The following CFAP61 variants were observed in gnomAD, a reference collection of about 807,000 sequenced individuals.
CFAP61 encodes the protein cilia- and flagella-associated protein 61.
CFAP61 carries 107 observed loss-of-function variants against 135.6 expected under a neutral mutation model. That is an observed-to-expected ratio of 0.79 (90% CI 0.67 to 0.93). The LOEUF (loss-of-function observed/expected upper bound fraction) is 0.93. Among genes scored for constraint, CFAP61 ranks in the 40% least tolerant of loss-of-function variants. The pLI is 0.00. For synonymous variants in CFAP61, 575 were observed against 578.5 expected, an observed-to-expected ratio of 0.99 and a Z score of 0.09; for missense variants, 1,507 against 1,556.2, an observed-to-expected ratio of 0.97 and a Z score of 0.53.
At chr20:20,337,681 A>C (rs1427909909) in intron 25 of CFAP61, among the ~76,000 whole-genome samples, 1 of 18,972 alleles carries the variant, frequency 5.3e-5, no homozygotes, top group Admixed American at 1.5e-3. Flanking sequence ...GATGGATAGA[A>C]TAAAAAAGAA....
chr20:20,264,667 G>A (rs1175309577), intron 21 of CFAP61, among the ~76,000 whole-genome samples: 2 of 152,164 alleles, frequency 1.3e-5, no homozygotes, highest in Non-Finnish European at 2.9e-5. Flanking sequence ...CAAGGTGAGA[G>A]GATCACTTGA....
At chr20:20,320,074 A>T (rs1405587798) in intron 25 of CFAP61, among the ~76,000 whole-genome samples, 2 of 151,694 alleles carry the variant, frequency 1.3e-5, no homozygotes, top group African/African-American at 4.9e-5. Context: ...GTGGGAAACT[A>T]TGTGACAAAC....
intron 26 of CFAP61, among the ~76,000 whole-genome samples, chr20:20,342,145 T>G (rs2058466457): frequency 6.6e-6 from 1 of 152,224 alleles, no homozygotes; most frequent in African/African-American, 2.4e-5. Flanking sequence ...TTCTTTTTCC[T>G]TTTTTTAAAG....
intron 19 of CFAP61, 104 bp from the exon 20 acceptor site, chr20:20,251,491 C>A: frequency 9.7e-7 from 1 of 1,030,434 alleles, no homozygotes; most frequent in Non-Finnish European, 1.5e-6. Flanking sequence ...ACAGCAAGAG[C>A]ACGGACTCAG....
intron 13 of CFAP61, among the ~76,000 whole-genome samples, chr20:20,172,558 AGTTCAC>A (rs2146829456): frequency 6.6e-6 from 1 of 152,268 alleles, no homozygotes; most frequent in African/African-American, 2.4e-5. Context: ...GGGCTCAAGC[AGTTCAC>A]CCACCTTGGC....
At chr20:20,078,376 G>GT (rs2146585727) in intron 6 of CFAP61, among the ~76,000 whole-genome samples, 1 of 152,310 alleles carries the variant, frequency 6.6e-6, no homozygotes, top group East Asian at 1.9e-4. Context: ...AGAGAGACAT[G>GT]TTAGAGAGTA....
chr20:20,130,881 T>C (rs190479031), intron 8 of CFAP61, among the ~76,000 whole-genome samples: 1 of 151,978 alleles, frequency 6.6e-6, no homozygotes, highest in East Asian at 1.9e-4. Flanking sequence ...CTCCCCACTT[T>C]GTTTCTGGCT....
chr20:20,175,533 TG>T (rs2054562295), intron 13 of CFAP61, among the ~76,000 whole-genome samples: 1 of 117,856 alleles, frequency 8.5e-6, no homozygotes, highest in African/African-American at 3.0e-5. Context: ...TGTTTTGTTT[TG>T]TTTTGTTTTG....
At chr20:20,266,578 G>GA (rs1297271533) in intron 21 of CFAP61, among the ~76,000 whole-genome samples, 1 of 152,154 alleles carries the variant, frequency 6.6e-6, no homozygotes, top group Non-Finnish European at 1.5e-5. Context: ...GGCCTACCTG[G>GA]AAATAGATGG....
chr20:20,151,602 G>A lies in CFAP61; in HGVS notation c.952-7768G>A, dbSNP rs1034645838. ...AGCACTTTGGGAGGCCGAGGTGAGC[G>A]GATCACGAGGTCAGGAGATTGAGAC... On this transcript the variant is annotated intron_variant, in intron 9 of 26. Coordinates refer to ENST00000245957, the MANE Select transcript of CFAP61 (RefSeq NM_015585.4). 9.9e-5 allele frequency among the ~76,000 whole-genome samples: 15 copies of A among 151,986 alleles called. 1 individual carries two copies. The highest frequency in any genetic ancestry group is 6.2e-4 in the South Asian group (3 of 4,812).
Position 20,083,580 on chromosome 20 carries a change from A to G in CFAP61, c.567-7264A>G, listed in dbSNP as rs571674802. Reference sequence around the variant, plus strand: ...TTACAAACTTTTAACTCTTAAGGCAATCATTTTAATGAAACATTTGATAGT... The same window carrying G: ...TTACAAACTTTTAACTCTTAAGGCAGTCATTTTAATGAAACATTTGATAGT... On this transcript the variant is annotated intron_variant, in intron 6 of 26. Coordinates refer to ENST00000245957, the MANE Select transcript of CFAP61 (RefSeq NM_015585.4). Among the ~76,000 whole-genome samples, 19 of 152,362 alleles carry G rather than the reference A, an allele frequency of 1.2e-4. 1 individual carries two copies. In the South Asian group the frequency reaches 3.3e-3, roughly 27 times the overall value.
At chr20:20,192,964 G>GT (rs1329736394) in intron 15 of CFAP61, among the ~76,000 whole-genome samples, 1 of 152,054 alleles carries the variant, frequency 6.6e-6, no homozygotes, top group Non-Finnish European at 1.5e-5. Flanking sequence ...GGTCAGACCA[G>GT]TTAGAGGGCA....
Position 20,210,038 on chromosome 20 carries a change from G to A in CFAP61, c.1932+10136G>A, listed in dbSNP as rs570614595. Among the ~76,000 whole-genome samples, 7 of 152,204 alleles carry A rather than the reference G, an allele frequency of 4.6e-5. No homozygotes were observed. In the South Asian group the frequency reaches 6.2e-4, roughly 14 times the overall value. ...GGAGCTACGTGCTCTCTTCCTCTCC[G>A]CTTTCCTTGCTTTGGGCTTTCAGAA... On this transcript the variant is annotated intron_variant, in intron 17 of 26. Coordinates refer to ENST00000245957, the MANE Select transcript of CFAP61 (RefSeq NM_015585.4).
At chr20:20,162,508 GCC>G (rs1042815739) in intron 10 of CFAP61, among the ~76,000 whole-genome samples, 2 of 152,244 alleles carry the variant, frequency 1.3e-5, no homozygotes, top group Admixed American at 1.3e-4. Flanking sequence ...GCCCCAGTTA[GCC>G]AGTGTCTGTG....
chr20:20,230,757 T>C (rs2049073054), intron 18 of CFAP61, among the ~76,000 whole-genome samples: 1 of 152,186 alleles, frequency 6.6e-6, no homozygotes, highest in South Asian at 2.1e-4. Flanking sequence ...GGTTTCACCA[T>C]GTTGGCCGGG....
chr20:20,161,841 G>T (rs887484907), intron 10 of CFAP61, among the ~76,000 whole-genome samples: 1 of 152,168 alleles, frequency 6.6e-6, no homozygotes, highest in Non-Finnish European at 1.5e-5. Flanking sequence ...TCTCCACTTC[G>T]AACAGAGGAA....
At chr20:20,305,760 C>T (rs987005369) in intron 25 of CFAP61, among the ~76,000 whole-genome samples, 8 of 152,196 alleles carry the variant, frequency 5.3e-5, no homozygotes, top group African/African-American at 1.9e-4. Flanking sequence ...TTTTGCTTCC[C>T]ACTCATTCAA....
Position 20,290,056 on chromosome 20 carries a change from C to T in CFAP61, c.3125-244C>T, listed in dbSNP as rs1019167108. Reference sequence around the variant, plus strand: ...CGGATAATCACAGGATACACAAGATCGGCTTGGCACATCCTGGAGCAATGG... The same window carrying T: ...CGGATAATCACAGGATACACAAGATTGGCTTGGCACATCCTGGAGCAATGG... On this transcript the variant is annotated intron_variant, in intron 23 of 26. Coordinates refer to ENST00000245957, the MANE Select transcript of CFAP61 (RefSeq NM_015585.4). Among the ~76,000 whole-genome samples, 18 of 152,194 alleles carry T rather than the reference C, an allele frequency of 1.2e-4. 1 individual carries two copies. Among genetic ancestry groups the T allele is most frequent in the African/African-American group, 4.3e-4 (18 of 41,438 alleles).
chr20:20,055,954 T>A (rs1479243859), intron 1 of CFAP61: 1 of 1,609,362 alleles, frequency 6.2e-7, no homozygotes, highest in East Asian at 2.2e-5. Context: ...CTACTGTTTT[T>A]GTCAACAGCA....
Sources: allele counts gnomAD v4.1 joint callset (sites outside exome capture counted in the v4.1 genomes callset), GRCh38; gene constraint gnomAD v4.1.1; transcripts MANE v1.5; gene names NCBI Gene and HGNC (gene_info 2026-07-23, HGNC 2026-07-21).